NOP53: variants seen among roughly 807,000 people sequenced by gnomAD.
NOP53 encodes NOP53 ribosome biogenesis factor, also known as ribosome biogenesis protein NOP53.
Under a neutral mutation model 61.0 loss-of-function variants are expected in NOP53, and 40 were observed. That is an observed-to-expected ratio of 0.66 (90% CI 0.51 to 0.85). NOP53 has a LOEUF of 0.85. NOP53 is among the 40% of genes least tolerant of loss of function. NOP53 has a pLI of 0.00. For missense variants in NOP53, 689 were observed against 652.9 expected (o/e 1.06, Z -0.60); for synonymous variants, 308 against 289.5 (o/e 1.06, Z -0.65).
At chr19:47,745,999 T>C (rs1237926252) in intron 1 of NOP53, 3 of 506,628 alleles carry the variant, frequency 5.9e-6, no homozygotes, top group African/African-American at 4.0e-5. Flanking sequence ...CAGATAAATA[T>C]ACAGGACGCT....
chr19:47,747,181 G>C, intron 2 of NOP53, 150 bp downstream of exon 2: 1 of 614,560 alleles, frequency 1.6e-6, no homozygotes, highest in Non-Finnish European at 2.8e-6. Context: ...GACCTCAAAT[G>C]GGCAGAAAGC....
chr19:47,753,084 A>C (rs1433129202), intron 6 of NOP53: 1 of 159,960 alleles, frequency 6.3e-6, no homozygotes, highest in Non-Finnish European at 1.4e-5. Context: ...GGGAAAGTCT[A>C]GCTGGAGCCA....
At chr19:47,750,064 T>C in intron 2 of NOP53, 114 bp from the exon 3 acceptor site, 1 of 658,994 alleles carries the variant, frequency 1.5e-6, no homozygotes, top group South Asian at 1.7e-5. Context: ...CCTCCAAGTC[T>C]CCTGGGGTGA....
At position 47,756,927 on chromosome 19, in the gene NOP53, A is replaced by AG. The variant is rs950527491; in HGVS notation, c.1431-67dup. On this transcript the variant is annotated intron_variant, in intron 12 of 12. Coordinates refer to ENST00000246802, the MANE Select transcript of NOP53 (RefSeq NM_015710.5). ...GGTCCCCAAAGGGAAACTGAAAGGC[A>AG]GGGGGTGTCAGGTCGGCAGGGGGTA... is the stretch of plus-strand genomic sequence containing the variant. 6.7e-5 allele frequency: 106 copies of AG among 1,593,220 alleles called. 1 individual carries two copies. The African/African-American group carries it at 9.8e-4, about 15-fold the overall frequency.
intron 4 of NOP53, 64 bp from the exon 5 acceptor site, chr19:47,751,456 G>A: frequency 8.0e-7 from 1 of 1,252,690 alleles, no homozygotes; most frequent in Admixed American, 1.7e-5. Context: ...GGGATTGGGG[G>A]GGAGCCTTTG....
chr19:47,747,322 T>C (rs1967076645), intron 2 of NOP53, among the ~76,000 whole-genome samples: 1 of 152,098 alleles, frequency 6.6e-6, no homozygotes, highest in African/African-American at 2.4e-5. Context: ...CTTTTTAGCT[T>C]GCAGAAAAGC....
rs1451127380 is a variant in NOP53 at position 47,750,948 on chromosome 19, C to T, written c.439C>T (p.Arg147Trp). The change falls in exon 4 of 13, where the codon CGG (arginine) becomes TGG (tryptophan). Residue 147 changes from arginine to tryptophan, a missense_variant. Transcript: ENST00000246802. ...HQVPNAKKLR[R>W]KEQLWEKLAK... ...GGTCCCCAACGCCAAGAAGCTCAGG[C>T]GGAAGGAGCAGCTATGGGAGAAGCT... 11 of 1,598,408 alleles carry T rather than the reference C, an allele frequency of 6.9e-6. No homozygotes were observed. The highest frequency in any genetic ancestry group is 3.5e-5 in the Admixed American group (2 of 57,120).
In NOP53 at chr19:47,750,973, T is replaced by C. The variant is rs1361197848; in HGVS notation, c.464T>C (p.Leu155Pro). ...CGGAAGGAGCAGCTATGGGAGAAGC[T>C]GGCCAAGCAGGGCGAGCTGCCCCGG... Reference protein sequence around the residue: ...LRRKEQLWEKLAKQGELPREV... With the variant: ...LRRKEQLWEKPAKQGELPREV... Residue 155 changes from leucine to proline, a missense_variant, in exon 4 of 13, where the codon CTG (leucine) becomes CCG (proline). Coordinates refer to ENST00000246802, the MANE Select transcript of NOP53 (RefSeq NM_015710.5). The C allele has an allele frequency of 6.3e-7, 1 of 1,598,590 alleles. No individual in the cohort carries two copies. Among genetic ancestry groups the C allele is most frequent in the Non-Finnish European group, 8.5e-7 (1 of 1,173,760 alleles).
At chr19:47,748,719 AC>A (rs1967091880) in intron 2 of NOP53, among the ~76,000 whole-genome samples, 1 of 152,056 alleles carries the variant, frequency 6.6e-6, no homozygotes, top group Non-Finnish European at 1.5e-5. Flanking sequence ...GCATGGCGAA[AC>A]CCCGTCTCTA....
At chr19:47,749,535 G>A (rs560757459) in intron 2 of NOP53, among the ~76,000 whole-genome samples, 1 of 152,276 alleles carries the variant, frequency 6.6e-6, no homozygotes, top group Non-Finnish European at 1.5e-5. Context: ...GTCCATGCAA[G>A]GGTGTTATTC....
chr19:47,753,810 G>A (rs1206031450), intron 6 of NOP53: 1 of 152,168 alleles, frequency 6.6e-6, no homozygotes. Context: ...TGATTCAGTG[G>A]CTTTTAGTGA....
chr19:47,746,114 G>GTATGTGTGTGTGTGTATT (rs1967060246), intron 1 of NOP53: 2 of 346,330 alleles, frequency 5.8e-6, no homozygotes, highest in Non-Finnish European at 5.3e-6. Flanking sequence ...GTGTGTGTAT[G>GTATGTGTGTGTGTGTATT]TATATATGTG....
rs908574345 is a variant in NOP53 at position 47,754,288 on chromosome 19, T to A, written c.766-239T>A. The A allele has an allele frequency of 5.4e-5, 26 of 481,400 alleles. No individual in the cohort carries two copies. Among genetic ancestry groups the A allele is most frequent in the Admixed American group, 1.0e-4 (3 of 29,520 alleles). 29.8% of individuals were successfully genotyped at this position (481,400 alleles called of 1,614,324 possible). A position where few individuals can be genotyped will look rare whatever the true frequency, so the allele number is the denominator to read the frequency against. On this transcript the variant is annotated intron_variant, in intron 6 of 12. Coordinates refer to ENST00000246802, the MANE Select transcript of NOP53 (RefSeq NM_015710.5). The surrounding 1 kb of genome is among the most constrained non-coding windows in gnomAD (Gnocchi z 4.2). ...CAGAAACTCTATCTCAAAAAAAAAA[T>A]GTGAAGCGTGCAGGTCAGACTGCCT...
chr19:47,750,421 T>C (rs952728569), intron 3 of NOP53, 135 bp downstream of exon 3: 4 of 630,872 alleles, frequency 6.3e-6, no homozygotes, highest in Non-Finnish European at 1.2e-5. Flanking sequence ...GGAGTGCAGA[T>C]TAGAGGGAGG....
chr19:47,752,202 C>T (rs1184679774), intron 5 of NOP53, among the ~76,000 whole-genome samples: 1 of 152,094 alleles, frequency 6.6e-6, no homozygotes, highest in Non-Finnish European at 1.5e-5. Flanking sequence ...AAGGTGGAGC[C>T]CGTGCTGGCA....
Position 47,747,151 on chromosome 19 carries a change from A to G in NOP53, c.289+120A>G, listed in dbSNP as rs539142090. Reference sequence around the variant, plus strand: ...AGGCAAATATCTGCGGAAACAGGTCAACCTTAATATAAACAAGGGGACCTC... The same window carrying G: ...AGGCAAATATCTGCGGAAACAGGTCGACCTTAATATAAACAAGGGGACCTC... On this transcript the variant is annotated intron_variant, in intron 2 of 12. Coordinates refer to ENST00000246802, the MANE Select transcript of NOP53 (RefSeq NM_015710.5). 35 of 765,214 alleles carry G rather than the reference A, an allele frequency of 4.6e-5. No homozygotes were observed. In the South Asian group the frequency reaches 6.0e-4, roughly 13 times the overall value. The allele number at this position is 765,214 out of a possible 1,614,324, so 47.4% of individuals were successfully genotyped here.
At chr19:47,756,966 C>T (rs768303160) in intron 12 of NOP53, 33 bp from the exon 13 acceptor site, 6 of 1,613,860 alleles carry the variant, frequency 3.7e-6, no homozygotes, top group South Asian at 1.1e-5. Flanking sequence ...GGCACCCTCT[C>T]ACCCACCCTC....
intron 1 of NOP53, 195 bp downstream of exon 1, chr19:47,745,978 A>G (rs1967058270): frequency 1.9e-6 from 1 of 528,926 alleles, no homozygotes; most frequent in Non-Finnish European, 3.3e-6. Context: ...TGATAGAGTT[A>G]CCAGATTTAG....
Position 47,755,807 on chromosome 19 carries a change from G to A in NOP53, c.1281G>A (p.Ser427=), listed in dbSNP as rs563493472. Reference sequence around the variant, plus strand: ...AGCTGAGCTCGGAGCTGACAGACTCGCTCAGGACCCTGAAGGTGCTCACTG... The same window carrying A: ...AGCTGAGCTCGGAGCTGACAGACTCACTCAGGACCCTGAAGGTGCTCACTG... ...DVQLSSELTD[S]LRTLKPEGNI... is the part of the protein sequence containing the mutation. The change falls in exon 10 of 13, where the codon TCG becomes TCA. Residue 427 remains serine, a synonymous_variant. Transcript: ENST00000246802. 18 of 1,609,068 alleles carry A rather than the reference G, an allele frequency of 1.1e-5. No individual in the cohort carries two copies. The Admixed American group carries it at 1.3e-4, about 12-fold the overall frequency.
Sources: allele counts gnomAD v4.1 joint callset (sites outside exome capture counted in the v4.1 genomes callset), GRCh38; gene constraint gnomAD v4.1.1; non-coding constraint Gnocchi (gnomAD v3.1); transcripts MANE v1.5; gene names NCBI Gene and HGNC (gene_info 2026-07-23, HGNC 2026-07-21).